The following JHY variants were observed in gnomAD, a reference collection of about 807,000 sequenced individuals.
JHY encodes junctional cadherin complex regulator.
A neutral mutation model predicts 78.0 loss-of-function variants in JHY; 69 were observed. The observed-to-expected ratio is 0.88, with a 90% confidence interval of 0.73 to 1.08. The LOEUF is 1.08. JHY is among the 50% of genes least tolerant of loss of function. The pLI is 0.00. For synonymous variants in JHY, 368 were observed against 342.6 expected, an observed-to-expected ratio of 1.07 and a Z score of -0.82; for missense variants, 944 against 927.8, an observed-to-expected ratio of 1.02 and a Z score of -0.23.
chr11:122,939,239 G>A (rs538538175), intron 5 of JHY, among the ~76,000 whole-genome samples: 130 of 152,196 alleles, frequency 8.5e-4, no homozygotes, highest in Non-Finnish European at 1.1e-3. Context: ...ACCCACCTCG[G>A]CCTCCCAAAG....
chr11:122,896,906 G>A (rs1361414741), intron 2 of JHY, among the ~76,000 whole-genome samples: 1 of 152,210 alleles, frequency 6.6e-6, no homozygotes, highest in Non-Finnish European at 1.5e-5. Context: ...GCCCAGGCTG[G>A]AGTGCAATGG....
intron 3 of JHY, among the ~76,000 whole-genome samples, chr11:122,923,680 CA>C (rs1863425563): frequency 6.6e-6 from 1 of 151,834 alleles, no homozygotes; most frequent in Non-Finnish European, 1.5e-5. Context: ...AGATTAGACC[CA>C]CCTGGGGAGC....
At position 122,934,503 on chromosome 11, in the gene JHY, C is replaced by T; in HGVS notation, c.1062C>T (p.Asp354=). 2 of 1,613,930 alleles carry T rather than the reference C, an allele frequency of 1.2e-6. No individual in the cohort carries two copies. Among genetic ancestry groups the T allele is most frequent in the Non-Finnish European group, 1.7e-6 (2 of 1,179,916 alleles). The change falls in exon 5 of 9, where the codon GAC becomes GAT. Residue 354 remains aspartate (D), a synonymous_variant. Coordinates refer to ENST00000227349, the MANE Select transcript of JHY (RefSeq NM_024806.4). Reference sequence around the variant, plus strand: ...GGCAACCTTCTGACATGGTGAATGACCATCAACCTTCCAGAAGACCAGCCA... The same window carrying T: ...GGCAACCTTCTGACATGGTGAATGATCATCAACCTTCCAGAAGACCAGCCA... The part of the protein sequence containing the change: ...PRGQPSDMVN[D]HQPSRRPAKL...
In JHY at chr11:122,961,802, A is replaced by C. The variant is rs184432350; in HGVS notation, c.*2357A>C. On this transcript the variant is annotated 3_prime_UTR_variant, in exon 9 of 9. Coordinates refer to ENST00000227349, the MANE Select transcript of JHY (RefSeq NM_024806.4). The stretch of plus-strand genomic sequence containing the variant: ...TGAAACACAAATAAATAAAGAATAA[A>C]GTTGAAAAAAAATGAAGGTACATCT... Among the ~76,000 whole-genome samples the C allele has an allele frequency of 2.6e-5, 4 of 152,342 alleles. No individual in the cohort carries two copies. The highest frequency in any genetic ancestry group is 2.6e-4 in the Admixed American group (4 of 15,306).
At chr11:122,947,177 G>C (rs1565335938) in intron 6 of JHY, 1 of 160,006 alleles carries the variant, frequency 6.2e-6, no homozygotes, top group Non-Finnish European at 1.4e-5. Context: ...TTTCTTCCCA[G>C]GTCATTCTCA....
intron 3 of JHY, among the ~76,000 whole-genome samples, chr11:122,915,000 A>G (rs927698189): frequency 1.4e-4 from 21 of 152,072 alleles, no homozygotes; most frequent in Non-Finnish European, 2.6e-4. Context: ...TGTATGATCT[A>G]TAGAGTGACA....
In JHY at chr11:122,962,361, T is replaced by C. The variant is rs182252953; in HGVS notation, c.*2916T>C. The stretch of plus-strand genomic sequence containing the variant: ...ATATACCAAAATGTAGCATAAAAGA[T>C]GCCTGTATGAAACCTTCTCTTAAAA... On this transcript the variant is annotated 3_prime_UTR_variant, in exon 9 of 9. Coordinates refer to ENST00000227349, the MANE Select transcript of JHY (RefSeq NM_024806.4). Among the ~76,000 whole-genome samples, 78 of 152,320 alleles carry C rather than the reference T, an allele frequency of 5.1e-4. No homozygotes were observed. The highest frequency in any genetic ancestry group is 1.8e-3 in the African/African-American group (75 of 41,568).
At chr11:122,897,704 T>G (rs763629288) in intron 2 of JHY, among the ~76,000 whole-genome samples, 12 of 152,164 alleles carry the variant, frequency 7.9e-5, no homozygotes, top group Non-Finnish European at 1.6e-4. Context: ...ATCCATATTA[T>G]CATACAGAGA....
rs537529460 is a variant in JHY at position 122,948,826 on chromosome 11, C to T, written c.1929+2034C>T. 2.9e-3 allele frequency among the ~76,000 whole-genome samples: 440 copies of T among 151,918 alleles called. 1 individual carries two copies. The highest frequency in any genetic ancestry group is 0.01 in the African/African-American group (417 of 41,440). ...GCAGGCTGGGCGCGGTGGCTTATGC[C>T]TGTAATCCCAGCACTTTGGAAGGCT... On this transcript the variant is annotated intron_variant, in intron 6 of 8. Transcript: ENST00000227349.
rs1183496670 is a variant in JHY at position 122,904,082 on chromosome 11, G to A, written c.502G>A (p.Glu168Lys). The A allele has an allele frequency of 6.2e-7, 1 of 1,614,126 alleles. No individual in the cohort carries two copies. Among genetic ancestry groups the A allele is most frequent in the South Asian group, 1.1e-5 (1 of 91,078 alleles). ...TTTGGCTCCCCTCTACCCTTCCCAG[G>A]AGACGTCAATGGAACTCTCCGGGGG... ...LPLAPLYPSQ[E>K]TSMELSGGKG... The change falls in exon 3 of 9, where the codon GAG (glutamate) becomes AAG (lysine). Residue 168 changes from glutamate (E) to lysine (K), a missense_variant. Transcript: ENST00000227349.
chr11:122,958,917 G>A (rs1591404234), intron 8 of JHY: 1 of 985,110 alleles, frequency 1.0e-6, no homozygotes, highest in Non-Finnish European at 1.2e-6. Context: ...TAGAAGTTTG[G>A]TTTTACTAAG....
rs1173072918 is a variant in JHY at position 122,934,806 on chromosome 11, A to G, written c.1365A>G (p.Lys455=). ...AGGCTTTTGACAAGGTCTTATCTAAAAACTCTACTGGATGTGACTCTGGGC... is the reference window on the plus strand; with the variant it reads ...AGGCTTTTGACAAGGTCTTATCTAAGAACTCTACTGGATGTGACTCTGGGC... ...PKQAFDKVLS[K]NSTGCDSGLN... Residue 455 remains lysine, a synonymous_variant, in exon 5 of 9, where the codon AAA becomes AAG. Transcript: ENST00000227349. 8 of 1,614,194 alleles carry G rather than the reference A, an allele frequency of 5.0e-6. No homozygotes were observed. Among genetic ancestry groups the G allele is most frequent in the Non-Finnish European group, 6.8e-6 (8 of 1,180,036 alleles).
rs1862780196 is a variant in JHY, at chr11:122,898,356, G to A, written c.345-5569G>A. On this transcript the variant is annotated intron_variant, in intron 2 of 8. Transcript: ENST00000227349. This position sits in a 1 kb window ranked among gnomAD's most constrained non-coding sequence, Gnocchi z 4.4. ...TGCAGGGTACAATGCAACATGATGTGCAGGAGCCCGATCCAGAGCAGACTG... is the reference window on the plus strand; with the variant it reads ...TGCAGGGTACAATGCAACATGATGTACAGGAGCCCGATCCAGAGCAGACTG... Among the ~76,000 whole-genome samples the A allele has an allele frequency of 1.3e-5, 2 of 152,180 alleles. No homozygotes were observed. Among genetic ancestry groups the A allele is most frequent in the Admixed American group, 1.3e-4 (2 of 15,274 alleles).
rs114335699 is a variant in JHY at position 122,940,376 on chromosome 11, C to T, written c.1634+5301C>T. ...AAAATCTAGAACAAATTATCCAATG[C>T]TCACTTTTCATTGTTTTCTATAACA... On this transcript the variant is annotated intron_variant, in intron 5 of 8. Transcript: ENST00000227349. 4.5e-3 allele frequency among the ~76,000 whole-genome samples: 680 copies of T among 152,150 alleles called. 9 individuals are homozygous for T. The highest frequency in any genetic ancestry group is 0.016 in the African/African-American group (664 of 41,522).
At chr11:122,943,720 T>G (rs1390969357) in intron 5 of JHY, among the ~76,000 whole-genome samples, 3 of 152,232 alleles carry the variant, frequency 2.0e-5, no homozygotes, top group Admixed American at 2.0e-4. Flanking sequence ...CTAATAATGC[T>G]TCTTTCTTAA....
intron 2 of JHY, among the ~76,000 whole-genome samples, chr11:122,896,424 C>A (rs759524553): frequency 3.8e-4 from 56 of 147,686 alleles, no homozygotes; most frequent in Non-Finnish European, 6.7e-4. Context: ...TAATTTAATT[C>A]TTGGAGTTTT....
chr11:122,885,682 C>G, intron 1 of JHY, 79 bp from the exon 2 acceptor site: 1 of 586,732 alleles, frequency 1.7e-6, no homozygotes, highest in Non-Finnish European at 3.0e-6. Context: ...GGTTCTCTTA[C>G]TCATTTAAAT....
At chr11:122,957,811 T>TCACACACACACACACACA (rs113733119) in intron 8 of JHY, among the ~76,000 whole-genome samples, 82 of 149,810 alleles carry the variant, frequency 5.5e-4, no homozygotes, top group African/African-American at 1.8e-3. Context: ...ACACACACAG[T>TCACACACACACACACACA]CACACACACA....
chr11:122,923,241 T>C (rs1863415163), intron 3 of JHY, among the ~76,000 whole-genome samples: 1 of 152,228 alleles, frequency 6.6e-6, no homozygotes, highest in African/African-American at 2.4e-5. Flanking sequence ...TCTGCTCATA[T>C]AAAGAAAAGC....
Sources: allele counts gnomAD v4.1 joint callset (sites outside exome capture counted in the v4.1 genomes callset), GRCh38; gene constraint gnomAD v4.1.1; non-coding constraint Gnocchi (gnomAD v3.1); transcripts MANE v1.5; gene names NCBI Gene and HGNC (gene_info 2026-07-23, HGNC 2026-07-21).